The following CHN1 variants were observed in gnomAD, a reference collection of about 807,000 sequenced individuals.
CHN1 encodes chimerin 1, also known as N-chimaerin.
In CHN1, 37 loss-of-function variants were observed where a neutral mutation model predicts 59.5. The ratio of observed to expected loss-of-function variants is 0.62; its 90% CI spans 0.48 to 0.82. CHN1 has a LOEUF of 0.82. CHN1 is among the 40% of genes least tolerant of loss of function. The probability of loss-of-function intolerance (pLI) is 0.00; values close to 1 mark genes in which losing one functional copy is unlikely to be tolerated. For missense variants in CHN1, 469 were observed against 571.0 expected, an observed-to-expected ratio of 0.82 and a Z score of 1.82; for synonymous variants, 206 against 200.4, an observed-to-expected ratio of 1.03 and a Z score of -0.24.
At chr2:174,875,472 C>A (rs2105470678) in intron 6 of CHN1, among the ~76,000 whole-genome samples, 1 of 152,286 alleles carries the variant, frequency 6.6e-6, no homozygotes, top group South Asian at 2.1e-4. Flanking sequence ...ACTAGAAGAA[C>A]CACATCTTGG....
intron 1 of CHN1, among the ~76,000 whole-genome samples, chr2:174,985,813 A>T (rs967646188): frequency 7.9e-5 from 12 of 152,214 alleles, no homozygotes; most frequent in Admixed American, 2.0e-4. Flanking sequence ...ATAAATATTT[A>T]GATGTTCCTT....
At chr2:175,003,168 A>G (rs891023180) in intron 1 of CHN1, among the ~76,000 whole-genome samples, 2 of 152,268 alleles carry the variant, frequency 1.3e-5, no homozygotes. Context: ...CTGCTGCTCT[A>G]TCACTACTTA....
At chr2:174,998,010 A>G (rs1691767124) in intron 1 of CHN1, among the ~76,000 whole-genome samples, 1 of 148,146 alleles carries the variant, frequency 6.8e-6, no homozygotes, top group African/African-American at 2.5e-5. Context: ...AAAAAAAAAG[A>G]TACAAGATAG....
intron 8 of CHN1, among the ~76,000 whole-genome samples, chr2:174,820,428 A>C (rs968721862): frequency 6.6e-6 from 1 of 152,198 alleles, no homozygotes; most frequent in Non-Finnish European, 1.5e-5. Flanking sequence ...AGTGATGATG[A>C]GCATTTTTTC....
intron 5 of CHN1, among the ~76,000 whole-genome samples, chr2:174,895,259 T>C (rs1283928906): frequency 2.0e-5 from 3 of 151,476 alleles, no homozygotes; most frequent in African/African-American, 7.3e-5. Flanking sequence ...TTATTCAGCT[T>C]TTAAAATGAA....
At chr2:174,861,765 G>A (rs887828655) in intron 6 of CHN1, among the ~76,000 whole-genome samples, 49 of 152,300 alleles carry the variant, frequency 3.2e-4, no homozygotes, top group African/African-American at 1.0e-3. Context: ...CAATTGTTGT[G>A]CTGAGAGAAC....
At position 174,812,289 on chromosome 2, in the gene CHN1, C is replaced by A; in HGVS notation, c.886+20G>T. The A allele has an allele frequency of 6.3e-7, 1 of 1,596,230 alleles. No individual in the cohort carries two copies. The highest frequency in any genetic ancestry group is 1.1e-5 in the South Asian group (1 of 87,874). ...GGTAGTGAACGGAGACCACTGCAAC[C>A]CGCACTGCAAATGGCTCACCTCTAG... On this transcript the variant is annotated intron_variant, in intron 9 of 12. Coordinates refer to ENST00000409900, the MANE Select transcript of CHN1 (RefSeq NM_001822.7).
In CHN1 at chr2:174,997,734, T is replaced by C. The variant is rs1350920058; in HGVS notation, c.19+7160A>G. 2.6e-5 allele frequency among the ~76,000 whole-genome samples: 4 copies of C among 152,084 alleles called. 1 individual carries two copies. The highest frequency in any genetic ancestry group is 4.2e-4 in the South Asian group (2 of 4,816). ...AACAGAAAACAATGGCAAAGTTCTATATAAAAGATACAAAAGGCCGGGTGT... is the reference window on the plus strand; with the variant it reads ...AACAGAAAACAATGGCAAAGTTCTACATAAAAGATACAAAAGGCCGGGTGT... On this transcript the variant is annotated intron_variant, in intron 1 of 12. Coordinates refer to ENST00000409900, the MANE Select transcript of CHN1 (RefSeq NM_001822.7).
At chr2:174,955,665 A>T (rs1185808410) in intron 1 of CHN1, among the ~76,000 whole-genome samples, 1 of 152,016 alleles carries the variant, frequency 6.6e-6, no homozygotes, top group Non-Finnish European at 1.5e-5. Context: ...AATGAAAAAT[A>T]AAATAAAATA....
At chr2:174,859,962 A>G (rs1049612609) in intron 6 of CHN1, among the ~76,000 whole-genome samples, 2 of 152,150 alleles carry the variant, frequency 1.3e-5, no homozygotes, top group Non-Finnish European at 2.9e-5. Context: ...TTAAAAAAAA[A>G]CTTTTCCATT....
chr2:174,971,777 A>T (rs1690766142), intron 1 of CHN1, among the ~76,000 whole-genome samples: 2 of 152,228 alleles, frequency 1.3e-5, no homozygotes, highest in African/African-American at 4.8e-5. Context: ...CATACTCCTG[A>T]CCAAAATTGA....
Position 174,854,737 on chromosome 2 carries a change from G to C in CHN1, c.550-7780C>G, listed in dbSNP as rs140922711. 2.6e-3 allele frequency among the ~76,000 whole-genome samples: 400 copies of C among 152,294 alleles called. 1 individual carries two copies. Among genetic ancestry groups the C allele is most frequent in the African/African-American group, 9.2e-3 (381 of 41,564 alleles). On this transcript the variant is annotated intron_variant, in intron 6 of 12. Coordinates refer to ENST00000409900, the MANE Select transcript of CHN1 (RefSeq NM_001822.7). Reference sequence around the variant, plus strand: ...GCATTTTTGCATTACTTCTGGCACAGAAAGGAAATCAATAAATGGAAGTTT... The same window carrying C: ...GCATTTTTGCATTACTTCTGGCACACAAAGGAAATCAATAAATGGAAGTTT...
chr2:174,801,324 G>A (rs1684713570), intron 12 of CHN1, among the ~76,000 whole-genome samples: 1 of 150,484 alleles, frequency 6.6e-6, no homozygotes, highest in African/African-American at 2.4e-5. Context: ...CAAGAAGATA[G>A]GAAAAGTGAG....
At chr2:174,924,377 G>C (rs1689108176) in intron 3 of CHN1, among the ~76,000 whole-genome samples, 1 of 151,954 alleles carries the variant, frequency 6.6e-6, no homozygotes, top group Non-Finnish European at 1.5e-5. Context: ...CTTTTTCTTT[G>C]TGTAGTCTCT....
chr2:174,974,514 C>T (rs1474521348), intron 1 of CHN1, among the ~76,000 whole-genome samples: 1 of 152,072 alleles, frequency 6.6e-6, no homozygotes, highest in Non-Finnish European at 1.5e-5. Flanking sequence ...AATTATTTAT[C>T]TCTAATAAGA....
At chr2:174,998,240 T>C (rs893030156) in intron 1 of CHN1, among the ~76,000 whole-genome samples, 21 of 145,364 alleles carry the variant, frequency 1.4e-4, no homozygotes, top group African/African-American at 5.1e-4. Flanking sequence ...GAGGTGGAGG[T>C]TGCAGTGATC....
At chr2:174,973,194 GT>G (rs898146325) in intron 1 of CHN1, among the ~76,000 whole-genome samples, 1 of 152,180 alleles carries the variant, frequency 6.6e-6, no homozygotes, top group African/African-American at 2.4e-5. Flanking sequence ...ATGGGCTACT[GT>G]GCAATCTGCA....
chr2:174,884,310 T>C, intron 5 of CHN1, among the ~76,000 whole-genome samples: 1 of 148,984 alleles, frequency 6.7e-6, no homozygotes, highest in Admixed American at 6.7e-5. Context: ...AGAGACAAAA[T>C]GGAAGGGAAA....
chr2:174,937,119 TTA>T (rs1689520483), intron 3 of CHN1, among the ~76,000 whole-genome samples: 1 of 152,230 alleles, frequency 6.6e-6, no homozygotes, highest in South Asian at 2.1e-4. Flanking sequence ...CACTAATAGT[TTA>T]TGATTGTTTT....
Sources: gnomAD v4.1 joint callset for allele counts (sites outside exome capture counted in the v4.1 genomes callset) on GRCh38, gnomAD v4.1.1 for gene constraint, MANE v1.5 for transcripts, NCBI Gene and HGNC (gene_info 2026-07-23, HGNC 2026-07-21) for gene names.